The following SHH variants were observed in gnomAD, a reference collection of about 807,000 sequenced individuals.
The protein encoded by SHH is sonic hedgehog protein.
SHH carries 3 observed loss-of-function variants against 16.6 expected under a neutral mutation model. The observed-to-expected ratio is 0.18, with a 90% CI of 0.08 to 0.47. SHH has a LOEUF of 0.47. Among genes scored for constraint, SHH ranks in the 20% least tolerant of loss-of-function variants. The pLI is 0.98. For missense variants in SHH, 499 were observed against 665.0 expected (o/e 0.75, Z 2.75); for synonymous variants, 351 against 316.2 (o/e 1.11, Z -1.17).
rs1294044020 is a variant in SHH, at chr7:155,809,931, G to A, written c.300+1892C>T. On this transcript the variant is annotated intron_variant, in intron 1 of 2. Coordinates refer to ENST00000297261, the MANE Select transcript of SHH (RefSeq NM_000193.4). The surrounding 1 kb of genome is among the most constrained non-coding windows in gnomAD (Gnocchi z 6.1). Reference sequence around the variant, plus strand: ...GGGATGGGGGCGCGTCCCAGGGCAGGCCGGCGGAGCCCGCGATGCGCCCCG... The same window carrying A: ...GGGATGGGGGCGCGTCCCAGGGCAGACCGGCGGAGCCCGCGATGCGCCCCG... Among the ~76,000 whole-genome samples the A allele has an allele frequency of 6.6e-6, 1 of 151,700 alleles. No homozygotes were observed. Among genetic ancestry groups the A allele is most frequent in the South Asian group, 2.1e-4 (1 of 4,830 alleles).
At chr7:155,806,582 C>G in intron 1 of SHH, 25 bp from the exon 2 acceptor site, 1 of 1,610,258 alleles carries the variant, frequency 6.2e-7, no homozygotes, top group Non-Finnish European at 8.5e-7. Context: ...GGACCCCCAC[C>G]GACGGACACG....
chr7:155,810,802 G>T (rs1803507304), intron 1 of SHH, among the ~76,000 whole-genome samples: 1 of 152,198 alleles, frequency 6.6e-6, no homozygotes. Flanking sequence ...TAGCCCTAAA[G>T]GTAGGACTTG....
chr7:155,803,110 C>T lies in SHH; in HGVS notation c.1179G>A (p.Ala393=). 1.5e-6 allele frequency: 2 copies of T among 1,349,306 alleles called. No homozygotes were observed. The highest frequency in any genetic ancestry group is 6.2e-5 in the East Asian group (2 of 32,068). 83.6% of individuals were successfully genotyped at this position (1,349,306 alleles called of 1,614,324 possible). Residue 393 remains alanine, a synonymous_variant, in exon 3 of 3, where the codon GCG becomes GCA. Coordinates refer to ENST00000297261, the MANE Select transcript of SHH (RefSeq NM_000193.4). ...CGCTGTCCCCGCCGCGGTCCGTGCG[C>T]GCGGGCGCCAGTGCAGCCAGGAGCG... ...AHALLAALAP[A]RTDRGGDSGG...
chr7:155,808,941 C>G (rs1221846839), intron 1 of SHH: 1 of 152,402 alleles, frequency 6.6e-6, no homozygotes, highest in Non-Finnish European at 1.5e-5. Flanking sequence ...GCACCTCTCT[C>G]CACTGTCCTT....
chr7:155,802,076 C>CAAAAAAAAAAAAAAAAAAA lies in SHH; in HGVS notation c.*805_*823dup, dbSNP rs10596345. The CAAAAAAAAAAAAAAAAAAA allele has an allele frequency of 4.1e-4, 37 of 91,160 alleles. No individual in the cohort carries two copies. Among genetic ancestry groups the CAAAAAAAAAAAAAAAAAAA allele is most frequent in the East Asian group, 9.1e-4 (3 of 3,286 alleles). 5.6% of individuals were successfully genotyped at this position (91,160 alleles called of 1,614,324 possible). Reference sequence around the variant, plus strand: ...AAAATAACAGTTCTTCCAGTTTGTCCAAAAAAAAAAAAAAAAAAAAAAAAG... The same window carrying CAAAAAAAAAAAAAAAAAAA: ...AAAATAACAGTTCTTCCAGTTTGTCCAAAAAAAAAAAAAAAAAAAAAAAAAAAAAAAAAAAAAAAAAAAG... On this transcript the variant is annotated 3_prime_UTR_variant, in exon 3 of 3. Transcript: ENST00000297261.
rs1482810104 is a variant in SHH at position 155,800,094 on chromosome 7, G to T, written c.*2806C>A. ...TAGATATGCATTTAGTCATGAGGGA[G>T]GCTGGCAGCAACCACCATGCATACA... On this transcript the variant is annotated 3_prime_UTR_variant, in exon 3 of 3. Coordinates refer to ENST00000297261, the MANE Select transcript of SHH (RefSeq NM_000193.4). The T allele has an allele frequency of 6.4e-6, 3 of 471,540 alleles. No homozygotes were observed. The Admixed American group carries it at 7.0e-5, about 11-fold the overall frequency. 29.2% of individuals were successfully genotyped at this position (471,540 alleles called of 1,614,324 possible). A position where few individuals can be genotyped will look rare whatever the true frequency, so the allele number is the denominator to read the frequency against.
Position 155,812,196 on chromosome 7 carries a change from G to A in SHH, c.-74C>T. ...GCGCGAGTGCGCGCGGCGGGTGTGT[G>A]CGTGTGCGCTCTCTCTTGCGCTTTC... On this transcript the variant is annotated 5_prime_UTR_variant, in exon 1 of 3. Coordinates refer to ENST00000297261, the MANE Select transcript of SHH (RefSeq NM_000193.4). 2.1e-6 allele frequency: 3 copies of A among 1,413,324 alleles called. No homozygotes were observed. The highest frequency in any genetic ancestry group is 2.3e-5 in the East Asian group (1 of 43,934). The allele number at this position is 1,413,324 out of a possible 1,614,324, so 87.5% of individuals were successfully genotyped here.
At chr7:155,804,883 T>A (rs948317059) in intron 2 of SHH, among the ~76,000 whole-genome samples, 1 of 152,156 alleles carries the variant, frequency 6.6e-6, no homozygotes, top group African/African-American at 2.4e-5. Flanking sequence ...CCTGCTGGAA[T>A]TACAGGGGGC....
chr7:155,808,115 C>T (rs999104350), intron 1 of SHH, among the ~76,000 whole-genome samples: 1 of 152,052 alleles, frequency 6.6e-6, no homozygotes, highest in African/African-American at 2.4e-5. Flanking sequence ...GGCTGGGGGC[C>T]GCCCTGGTAA....
At position 155,807,359 on chromosome 7, in the gene SHH, C is replaced by T. The variant is rs1197036997; in HGVS notation, c.301-802G>A. On this transcript the variant is annotated intron_variant, in intron 1 of 2. Coordinates refer to ENST00000297261, the MANE Select transcript of SHH (RefSeq NM_000193.4). This position sits in a 1 kb window ranked among gnomAD's most constrained non-coding sequence, Gnocchi z 7.1. ...TTTCTTGTTTTCTTTAACCTGTTCC[C>T]TTCCTCCGCTCTTGTGTTCTTGGCC... is the stretch of plus-strand genomic sequence containing the variant. 6.6e-6 allele frequency: 1 copy of T among 152,418 alleles called. No individual in the cohort carries two copies. Among genetic ancestry groups the T allele is most frequent in the Non-Finnish European group, 1.5e-5 (1 of 68,376 alleles). The allele number at this position is 152,418 out of a possible 1,614,324, so 9.4% of individuals were successfully genotyped here. A position where few individuals can be genotyped will look rare whatever the true frequency, so the allele number is the denominator to read the frequency against.
rs978774780 is a variant in SHH, at chr7:155,809,590, C to G, written c.300+2233G>C. On this transcript the variant is annotated intron_variant, in intron 1 of 2. Transcript: ENST00000297261. This position sits in a 1 kb window ranked among gnomAD's most constrained non-coding sequence, Gnocchi z 6.1. ...CGGTTTTAGGGGACCTTTGTGGGGT[C>G]TGCCTGATAATCCCGGCCTGGCTCT... is the stretch of plus-strand genomic sequence containing the variant. Among the ~76,000 whole-genome samples the G allele has an allele frequency of 3.3e-5, 5 of 152,164 alleles. No homozygotes were observed. The highest frequency in any genetic ancestry group is 1.3e-4 in the Admixed American group (2 of 15,280).
At chr7:155,810,016 C>T (rs1030133670) in intron 1 of SHH, among the ~76,000 whole-genome samples, 2 of 152,052 alleles carry the variant, frequency 1.3e-5, no homozygotes, top group African/African-American at 4.8e-5. Context: ...ACAGCGAGCC[C>T]GGCGCTGCTG....
At position 155,804,354 on chromosome 7, in the gene SHH, A is replaced by C. The variant is rs955345259; in HGVS notation, c.563-628T>G. 4.6e-5 allele frequency among the ~76,000 whole-genome samples: 7 copies of C among 152,158 alleles called. No individual in the cohort carries two copies. The East Asian group carries it at 1.4e-3, about 29-fold the overall frequency. On this transcript the variant is annotated intron_variant, in intron 2 of 2. Transcript: ENST00000297261. Reference sequence around the variant, plus strand: ...TGTAGCAACTGGACAAACATTCCAGAGATTGGCCGAGGTGTGAAAATCCGA... The same window carrying C: ...TGTAGCAACTGGACAAACATTCCAGCGATTGGCCGAGGTGTGAAAATCCGA...
chr7:155,805,745 C>A (rs2117135491), intron 2 of SHH, among the ~76,000 whole-genome samples: 1 of 152,308 alleles, frequency 6.6e-6, no homozygotes, highest in East Asian at 1.9e-4. Flanking sequence ...CCGGGCGCGC[C>A]GCCTCCAGAT....
chr7:155,805,858 CT>C (rs1464113471), intron 2 of SHH, among the ~76,000 whole-genome samples: 1 of 152,236 alleles, frequency 6.6e-6, no homozygotes, highest in African/African-American at 2.4e-5. Flanking sequence ...AGGACGCGGG[CT>C]CCGGGGCAGG....
At position 155,801,745 on chromosome 7, in the gene SHH, A is replaced by G. The variant is rs1803184621; in HGVS notation, c.*1155T>C. The G allele has an allele frequency of 6.6e-6, 1 of 152,224 alleles. No individual in the cohort carries two copies. The highest frequency in any genetic ancestry group is 2.4e-5 in the African/African-American group (1 of 41,460). The allele number at this position is 152,224 out of a possible 1,614,324, so 9.4% of individuals were successfully genotyped here. ...TATAAGCAACACATCTAAATAGAAT[A>G]TTGGGAGCTCCTGTCAGCGCTAGGT... On this transcript the variant is annotated 3_prime_UTR_variant, in exon 3 of 3. Coordinates refer to ENST00000297261, the MANE Select transcript of SHH (RefSeq NM_000193.4).
chr7:155,804,005 A>G (rs966281248), intron 2 of SHH, among the ~76,000 whole-genome samples: 4 of 152,126 alleles, frequency 2.6e-5, no homozygotes, highest in Non-Finnish European at 4.4e-5. Flanking sequence ...GAGGCCGGTG[A>G]CACTCTTTCC....
At chr7:155,810,335 C>G (rs1803493535) in intron 1 of SHH, among the ~76,000 whole-genome samples, 1 of 152,256 alleles carries the variant, frequency 6.6e-6, no homozygotes, top group Non-Finnish European at 1.5e-5. Context: ...GCCGCTCTCT[C>G]CGCAGTGCCT....
rs989568921 is a variant in SHH at position 155,812,244 on chromosome 7, G to C, written c.-122C>G. On this transcript the variant is annotated 5_prime_UTR_variant, in exon 1 of 3. Transcript: ENST00000297261. ...TTCCCTTCCTCGCTCCGGCTCGCCC[G>C]CTCGCTCTCTCCCTCGCTGGCTGCC... 3.2e-6 allele frequency: 3 copies of C among 941,094 alleles called. No homozygotes were observed. The South Asian group carries it at 4.0e-5, about 13-fold the overall frequency. The allele number at this position is 941,094 out of a possible 1,614,324, so 58.3% of individuals were successfully genotyped here.
Sources: gnomAD v4.1 joint callset for allele counts (sites outside exome capture counted in the v4.1 genomes callset) on GRCh38, gnomAD v4.1.1 for gene constraint, Gnocchi (gnomAD v3.1) non-coding constraint, MANE v1.5 for transcripts, NCBI Gene and HGNC (gene_info 2026-07-23, HGNC 2026-07-21) for gene names.